Variants in HSH2D observed in about 807,000 individuals in gnomAD.
The protein encoded by HSH2D is hematopoietic SH2 domain-containing protein.
Under a neutral mutation model 21.5 loss-of-function variants are expected in HSH2D, and 16 were observed. The observed-to-expected ratio is 0.74, with a 90% CI of 0.50 to 1.13. HSH2D has a LOEUF of 1.13. Ranked by LOEUF, HSH2D falls within the 50% of genes most tolerant of loss-of-function variation. The probability of loss-of-function intolerance (pLI) is 0.00; values close to 1 mark genes in which losing one functional copy is unlikely to be tolerated. For missense variants in HSH2D, 418 were observed against 441.4 expected, an observed-to-expected ratio of 0.95 and a Z score of 0.47; for synonymous variants, 172 against 184.7, an observed-to-expected ratio of 0.93 and a Z score of 0.56.
chr19:16,141,268 T>C (rs1309387145), upstream of HSH2D, among the ~76,000 whole-genome samples: 1 of 152,202 alleles, frequency 6.6e-6, no homozygotes, highest in Non-Finnish European at 1.5e-5. Flanking sequence ...GAGGTGCTGC[T>C]GTTGCCGAGG....
chr19:16,157,069 C>T lies in HSH2D; in HGVS notation c.475-141C>T, dbSNP rs1293536195. On this transcript the variant is annotated intron_variant, in intron 5 of 5. Coordinates refer to ENST00000613986, the MANE Select transcript of HSH2D (RefSeq NM_001382417.1). The surrounding 1 kb of genome is among the most constrained non-coding windows in gnomAD (Gnocchi z 4.4). The stretch of plus-strand genomic sequence containing the variant: ...ATTTACTGAGACGAGAAAGATGGGG[C>T]ATGGGATCAGGTTTGGGGGTTCACA... 20 of 571,550 alleles carry T rather than the reference C, an allele frequency of 3.5e-5. No individual in the cohort carries two copies. The highest frequency in any genetic ancestry group is 9.6e-5 in the East Asian group (3 of 31,160). The allele number at this position is 571,550 out of a possible 1,614,324, so 35.4% of individuals were successfully genotyped here. A position where few individuals can be genotyped will look rare whatever the true frequency, so the allele number is the denominator to read the frequency against.
chr19:16,157,790 G>C lies in HSH2D; in HGVS notation c.1055G>C (p.Cys352Ser). 6.3e-7 allele frequency: 1 copy of C among 1,593,692 alleles called. No homozygotes were observed. The highest frequency in any genetic ancestry group is 8.5e-7 in the Non-Finnish European group (1 of 1,173,914). The change falls in exon 6 of 6, where the codon TGC (cysteine) becomes TCC (serine). Residue 352 changes from cysteine to serine, a missense_variant. By Grantham distance (112) the Cys-to-Ser change is moderately radical. Coordinates refer to ENST00000613986, the MANE Select transcript of HSH2D (RefSeq NM_001382417.1). This position sits in a 1 kb window ranked among gnomAD's most constrained non-coding sequence, Gnocchi z 4.4. ...QQPPPFAPGY[C>S] The stretch of plus-strand genomic sequence containing the variant: ...CCGCCACCCTTTGCCCCTGGGTACT[G>C]CTAGAGAACAGGTCCACCCTGGCTC...
At chr19:16,141,062 T>C (rs1300690677), upstream of HSH2D, among the ~76,000 whole-genome samples, 1 of 152,188 alleles carries the variant, frequency 6.6e-6, no homozygotes, top group Non-Finnish European at 1.5e-5. Flanking sequence ...TCCCAACTCA[T>C]CTCCATGTGC....
chr19:16,140,973 C>T (rs1170860460), upstream of HSH2D, among the ~76,000 whole-genome samples: 1 of 152,064 alleles, frequency 6.6e-6, no homozygotes, highest in Non-Finnish European at 1.5e-5. Context: ...AGGTCTGAGG[C>T]CCAAGCCAGA....
chr19:16,156,680 T>C lies in HSH2D; in HGVS notation c.475-530T>C, dbSNP rs188498219. Among the ~76,000 whole-genome samples, 398 of 152,286 alleles carry C rather than the reference T, an allele frequency of 2.6e-3. 2 individuals carry two copies. The highest frequency in any genetic ancestry group is 9.3e-3 in the African/African-American group (387 of 41,562). On this transcript the variant is annotated intron_variant, in intron 5 of 5. Transcript: ENST00000613986. ...CTGCAAAGTTGAAATATTTACTCTCTGACTCTTTGTAAAAGAAGTTTGCCA... is the reference window on the plus strand; with the variant it reads ...CTGCAAAGTTGAAATATTTACTCTCCGACTCTTTGTAAAAGAAGTTTGCCA...
intron 1 of HSH2D, among the ~76,000 whole-genome samples, chr19:16,147,846 C>T (rs1040208461): frequency 9.2e-5 from 14 of 152,112 alleles, no homozygotes; most frequent in African/African-American, 2.4e-4. Flanking sequence ...GGTTTCACCA[C>T]GTGGCCCAGG....
At chr19:16,148,584 C>G (rs2091103585) in intron 1 of HSH2D, 140 bp from the exon 2 acceptor site, 2 of 767,938 alleles carry the variant, frequency 2.6e-6, no homozygotes, top group South Asian at 3.6e-5. Context: ...TCACACCCAG[C>G]CACAAGCCAG....
intron 4 of HSH2D, 136 bp downstream of exon 4, chr19:16,153,344 C>T: frequency 3.6e-6 from 3 of 835,534 alleles, no homozygotes; most frequent in Admixed American, 3.1e-5. Flanking sequence ...GGCCCCACCC[C>T]AGTAGTCCCT....
chr19:16,151,480 G>A (rs1237615452), intron 2 of HSH2D: 1 of 455,508 alleles, frequency 2.2e-6, no homozygotes, highest in Non-Finnish European at 4.4e-6. Flanking sequence ...CTCCCCTTGA[G>A]GAAGCTGAAG....
At position 16,157,663 on chromosome 19, in the gene HSH2D, C is replaced by T. The variant is rs747183242; in HGVS notation, c.928C>T (p.His310Tyr). 48 of 1,613,284 alleles carry T rather than the reference C, an allele frequency of 3.0e-5. No homozygotes were observed. The highest frequency in any genetic ancestry group is 4.1e-5 in the Non-Finnish European group (48 of 1,179,652). Residue 310 changes from histidine (H) to tyrosine (Y), a missense_variant, in exon 6 of 6, where the codon CAC (histidine) becomes TAC (tyrosine). His to Tyr is a moderately conservative substitution (Grantham distance 83, BLOSUM62 2). Coordinates refer to ENST00000613986, the MANE Select transcript of HSH2D (RefSeq NM_001382417.1). The surrounding 1 kb of genome is among the most constrained non-coding windows in gnomAD (Gnocchi z 4.4). Reference sequence around the variant, plus strand: ...GGTGACCCCAGGGGACAGGAGTTGGCACCAAATGGTAGTGAGAGCCCTATC... The same window carrying T: ...GGTGACCCCAGGGGACAGGAGTTGGTACCAAATGGTAGTGAGAGCCCTATC... ...IEVTPGDRSWHQMVVRALSSQ... is the reference protein window; with the variant it reads ...IEVTPGDRSWYQMVVRALSSQ...
rs751274937 is a variant in HSH2D, at chr19:16,157,615, G to A, written c.880G>A (p.Glu294Lys). The A allele has an allele frequency of 1.7e-5, 27 of 1,613,728 alleles. No individual in the cohort carries two copies. In the South Asian group the frequency reaches 1.8e-4, roughly 10 times the overall value. The change falls in exon 6 of 6, where the codon GAG becomes AAG. Residue 294 changes from glutamate to lysine, a missense_variant. Transcript: ENST00000613986. The surrounding 1 kb of genome is among the most constrained non-coding windows in gnomAD (Gnocchi z 4.4). Reference protein sequence around the residue: ...KDRKVPTRKAERSVSCIEVTP... With the variant: ...KDRKVPTRKAKRSVSCIEVTP... ...CAGAAAGGTCCCCACCAGGAAGGCCGAGAGGTCGGTCAGCTGCATTGAGGT... is the reference window on the plus strand; with the variant it reads ...CAGAAAGGTCCCCACCAGGAAGGCCAAGAGGTCGGTCAGCTGCATTGAGGT...
chr19:16,148,647 C>G, intron 1 of HSH2D, 77 bp from the exon 2 acceptor site: 1 of 1,458,902 alleles, frequency 6.9e-7, no homozygotes, highest in Non-Finnish European at 9.5e-7. Context: ...GGAGGAGGCA[C>G]CACAAGCTTC....
rs187679908 is a variant in HSH2D at position 16,151,702 on chromosome 19, C to T, written c.126-850C>T. 8.7e-4 allele frequency: 338 copies of T among 389,512 alleles called. 1 individual carries two copies. The highest frequency in any genetic ancestry group is 6.8e-3 in the African/African-American group (312 of 45,852). The allele number at this position is 389,512 out of a possible 1,614,324, so 24.1% of individuals were successfully genotyped here. A position where few individuals can be genotyped will look rare whatever the true frequency, so the allele number is the denominator to read the frequency against. On this transcript the variant is annotated intron_variant, in intron 2 of 5. Coordinates refer to ENST00000613986, the MANE Select transcript of HSH2D (RefSeq NM_001382417.1). ...CTGGCCTGAGATCAAGGTCATCAGA[C>T]GCCTCCTAGCTCCTCGGGGGGAACA... is the stretch of plus-strand genomic sequence containing the variant.
At chr19:16,144,504 G>GTA (rs764883009) in intron 1 of HSH2D, among the ~76,000 whole-genome samples, 3 of 151,326 alleles carry the variant, frequency 2.0e-5, no homozygotes, top group African/African-American at 7.3e-5. Context: ...CATGAATATT[G>GTA]TATATATATC....
intron 2 of HSH2D, among the ~76,000 whole-genome samples, chr19:16,149,770 G>A (rs544544115): frequency 7.7e-5 from 11 of 143,532 alleles, no homozygotes; most frequent in East Asian, 6.6e-4. Flanking sequence ...TAGTAGAGAC[G>A]AGGTTTCACC....
intron 4 of HSH2D, among the ~76,000 whole-genome samples, chr19:16,153,445 T>G (rs2091192166): frequency 6.6e-6 from 1 of 152,248 alleles, no homozygotes; most frequent in South Asian, 2.1e-4. Context: ...TTTATAAGGG[T>G]TCATGTGCCA....
intron 5 of HSH2D, chr19:16,155,619 CT>C (rs35262744): frequency 0.58 from 65,885 of 114,098 alleles, 19,216 homozygotes; most frequent in Non-Finnish European, 0.68. Flanking sequence ...CATGGGAGGA[CT>C]TTTTTTTTTT....
At chr19:16,144,028 A>G (rs1396684302) in intron 1 of HSH2D, among the ~76,000 whole-genome samples, 1 of 152,038 alleles carries the variant, frequency 6.6e-6, no homozygotes, top group Admixed American at 6.6e-5. Flanking sequence ...GAGAGCAAGG[A>G]TGTCTTTAGG....
intron 2 of HSH2D, among the ~76,000 whole-genome samples, chr19:16,150,328 T>G (rs1172220791): frequency 6.6e-6 from 1 of 151,976 alleles, no homozygotes; most frequent in Non-Finnish European, 1.5e-5. Context: ...CCACCTGAGG[T>G]CAGGAGTTTG....
Sources: allele counts gnomAD v4.1 joint callset (sites outside exome capture counted in the v4.1 genomes callset), GRCh38; gene constraint gnomAD v4.1.1; non-coding constraint Gnocchi (gnomAD v3.1); transcripts MANE v1.5; gene names NCBI Gene and HGNC (gene_info 2026-07-23, HGNC 2026-07-21).